CNTNAP5: variants seen among roughly 807,000 people sequenced by gnomAD.
The protein encoded by CNTNAP5 is contactin-associated protein-like 5.
A neutral mutation model predicts 150.2 loss-of-function variants in CNTNAP5; 72 were observed. The observed-to-expected ratio is 0.48, with a 90% CI of 0.40 to 0.58. The LOEUF (loss-of-function observed/expected upper bound fraction) is 0.58. Ranked by LOEUF, CNTNAP5 falls within the 20% of genes least tolerant of loss-of-function variation. The pLI is 0.00. For synonymous variants in CNTNAP5, 672 were observed against 619.8 expected, an observed-to-expected ratio of 1.08 and a Z score of -1.25; for missense variants, 1,636 against 1,626.2, an observed-to-expected ratio of 1.01 and a Z score of -0.10.
chr2:124,080,892 A>G (rs1423362011), intron 1 of CNTNAP5, among the ~76,000 whole-genome samples: 4 of 152,178 alleles, frequency 2.6e-5, no homozygotes, highest in Admixed American at 1.3e-4. Context: ...TGCTTTTTCC[A>G]GGGCCCCAGT....
chr2:124,675,419 T>G (rs1188059930), intron 13 of CNTNAP5, among the ~76,000 whole-genome samples: 1 of 152,114 alleles, frequency 6.6e-6, no homozygotes, highest in Non-Finnish European at 1.5e-5. Flanking sequence ...TTTGTATCAA[T>G]CTCTACCTTA....
At chr2:124,126,266 C>T (rs760868646) in intron 1 of CNTNAP5, among the ~76,000 whole-genome samples, 16 of 151,806 alleles carry the variant, frequency 1.1e-4, no homozygotes, top group Non-Finnish European at 1.6e-4. Context: ...TACAAACTAA[C>T]GTCAGAGAAG....
chr2:124,868,192 G>A (rs1407821992), intron 20 of CNTNAP5, among the ~76,000 whole-genome samples: 1 of 152,142 alleles, frequency 6.6e-6, no homozygotes, highest in East Asian at 1.9e-4. Flanking sequence ...TGATCCTGGT[G>A]AAGGAATAGA....
intron 1 of CNTNAP5, among the ~76,000 whole-genome samples, chr2:124,215,829 A>C (rs1686143645): frequency 6.6e-6 from 1 of 152,096 alleles, no homozygotes; most frequent in South Asian, 2.1e-4. Flanking sequence ...CACTTCGCAG[A>C]AAAAAGATCA....
chr2:124,762,636 A>T (rs80315132), intron 14 of CNTNAP5, among the ~76,000 whole-genome samples: 1,987 of 152,252 alleles, frequency 0.013, 52 homozygotes, highest in African/African-American at 0.045. Flanking sequence ...TGAAGATCTC[A>T]GAAATGAAAT....
At chr2:124,828,511 A>G (rs1039189538) in intron 19 of CNTNAP5, among the ~76,000 whole-genome samples, 3 of 151,840 alleles carry the variant, frequency 2.0e-5, no homozygotes, top group Admixed American at 6.6e-5. Context: ...AAAAATACAT[A>G]AGTTATTAAG....
chr2:124,165,062 T>C (rs1684779768), intron 1 of CNTNAP5, among the ~76,000 whole-genome samples: 1 of 152,156 alleles, frequency 6.6e-6, no homozygotes, highest in South Asian at 2.1e-4. Flanking sequence ...TGTGTACATG[T>C]GGATAAAGAG....
At position 124,392,239 on chromosome 2, in the gene CNTNAP5, A is replaced by G. The variant is rs569790224; in HGVS notation, c.382-25204A>G. 3.9e-5 allele frequency among the ~76,000 whole-genome samples: 6 copies of G among 152,326 alleles called. No homozygotes were observed. In the South Asian group the frequency reaches 1.2e-3, roughly 32 times the overall value. ...GAAATGTTAGCAGGAATGAAGAACT[A>G]TAAAAGCTGATGAGGAAAAGGTCAA... On this transcript the variant is annotated intron_variant, in intron 3 of 23. Transcript: ENST00000682447.
chr2:124,798,255 C>G lies in CNTNAP5; in HGVS notation c.3152C>G (p.Pro1051Arg). The G allele has an allele frequency of 1.2e-6, 2 of 1,613,902 alleles. No homozygotes were observed. Among genetic ancestry groups the G allele is most frequent in the Non-Finnish European group, 1.7e-6 (2 of 1,179,808 alleles). The change falls in exon 19 of 24, where the codon CCC (proline) becomes CGC (arginine). Residue 1051 changes from proline to arginine, a missense_variant. Pro to Arg is a moderately radical substitution (Grantham distance 103). Coordinates refer to ENST00000682447, the MANE Select transcript of CNTNAP5 (RefSeq NM_001367498.1). ...CTTAGCTTTGTGACAACCCAGGCAC[C>G]CAGTCTTTTGCTCTTTATCAATTCT... ...IALSFVTTQA[P>R]SLLLFINSSS... is the part of the protein sequence containing the mutation.
intron 17 of CNTNAP5, chr2:124,778,780 T>A (rs890107745): frequency 1.3e-5 from 2 of 151,948 alleles, no homozygotes; most frequent in African/African-American, 4.8e-5. Flanking sequence ...GGATTCTGAA[T>A]GGTAATGTAG....
chr2:124,191,468 T>C (rs1355335767), intron 1 of CNTNAP5, among the ~76,000 whole-genome samples: 1 of 152,210 alleles, frequency 6.6e-6, no homozygotes, highest in Non-Finnish European at 1.5e-5. Flanking sequence ...TTGAAATTCT[T>C]GAAAAACTTC....
chr2:124,469,752 T>C (rs1693460375), intron 6 of CNTNAP5, among the ~76,000 whole-genome samples: 1 of 152,122 alleles, frequency 6.6e-6, no homozygotes, highest in South Asian at 2.1e-4. Flanking sequence ...CAGGCCCCAC[T>C]GTGAGTGGTT....
chr2:124,729,647 G>A (rs1680228564), intron 13 of CNTNAP5, among the ~76,000 whole-genome samples: 3 of 151,936 alleles, frequency 2.0e-5, no homozygotes, highest in Admixed American at 6.6e-5. Flanking sequence ...ATAATGGTAC[G>A]ACCAATTATC....
chr2:124,034,963 G>A (rs1681169033), intron 1 of CNTNAP5, among the ~76,000 whole-genome samples: 1 of 151,860 alleles, frequency 6.6e-6, no homozygotes, highest in African/African-American at 2.4e-5. Context: ...ATCATGATGA[G>A]TTATTAAGAC....
At chr2:124,750,682 T>A (rs907174266) in intron 14 of CNTNAP5, among the ~76,000 whole-genome samples, 1 of 151,982 alleles carries the variant, frequency 6.6e-6, no homozygotes, top group Admixed American at 6.6e-5. Flanking sequence ...TGGTGGTTTT[T>A]GTCATTTAAA....
rs751144279 is a variant in CNTNAP5, at chr2:124,725,349, T to A, written c.2078-21880T>A. Among the ~76,000 whole-genome samples the A allele has an allele frequency of 2.6e-5, 4 of 152,252 alleles. No individual in the cohort carries two copies. The East Asian group carries it at 7.7e-4, about 29-fold the overall frequency. ...AATTGTATATATATGGTATACATGA[T>A]GTTTTGATACAGTTATACATTATGA... is the stretch of plus-strand genomic sequence containing the variant. On this transcript the variant is annotated intron_variant, in intron 13 of 23. Coordinates refer to ENST00000682447, the MANE Select transcript of CNTNAP5 (RefSeq NM_001367498.1).
intron 22 of CNTNAP5, among the ~76,000 whole-genome samples, chr2:124,906,620 G>T (rs188543236): frequency 2.0e-4 from 31 of 152,210 alleles, no homozygotes; most frequent in African/African-American, 7.2e-4. Flanking sequence ...TGAGAAACAC[G>T]CACTCTCTTT....
At chr2:124,735,258 A>G (rs1339645179) in intron 13 of CNTNAP5, among the ~76,000 whole-genome samples, 3 of 152,214 alleles carry the variant, frequency 2.0e-5, no homozygotes, top group Admixed American at 2.0e-4. Context: ...GCCAGAGGCT[A>G]TACTTTGAGA....
At chr2:124,026,515 G>T (rs528116232) in intron 1 of CNTNAP5, among the ~76,000 whole-genome samples, 3 of 152,340 alleles carry the variant, frequency 2.0e-5, no homozygotes, top group Admixed American at 1.3e-4. Context: ...TATATTTAAA[G>T]AATCCAGTCC....
Sources: allele counts gnomAD v4.1 joint callset (sites outside exome capture counted in the v4.1 genomes callset), GRCh38; gene constraint gnomAD v4.1.1; transcripts MANE v1.5; gene names NCBI Gene and HGNC (gene_info 2026-07-23, HGNC 2026-07-21).